The following JAKMIP2 variants were observed in gnomAD, a reference collection of about 807,000 sequenced individuals.
JAKMIP2 encodes the protein janus kinase and microtubule interacting protein 2, also known as janus kinase and microtubule-interacting protein 2.
JAKMIP2 carries 25 observed loss-of-function variants against 115.0 expected under a neutral mutation model. That is an observed-to-expected ratio of 0.22 (90% CI 0.16 to 0.30). JAKMIP2 has a LOEUF of 0.30. JAKMIP2 is among the 10% of genes least tolerant of loss of function. JAKMIP2 has a pLI of 1.00. For synonymous variants in JAKMIP2, 334 were observed against 343.6 expected, an observed-to-expected ratio of 0.97 and a Z score of 0.31; for missense variants, 642 against 957.6, an observed-to-expected ratio of 0.67 and a Z score of 4.35.
At chr5:147,750,452 T>C (rs1392009204) in intron 1 of JAKMIP2, among the ~76,000 whole-genome samples, 1 of 151,956 alleles carries the variant, frequency 6.6e-6, no homozygotes, top group Non-Finnish European at 1.5e-5. Context: ...CATCTCTAAT[T>C]TGTTAAGAGC....
At chr5:147,645,148 T>C (rs1023734109) in intron 5 of JAKMIP2, 152 bp from the exon 6 acceptor site, 3 of 675,390 alleles carry the variant, frequency 4.4e-6, no homozygotes, top group Non-Finnish European at 7.5e-6. Flanking sequence ...CAATCCTTCA[T>C]TTAACAGACT....
At position 147,608,352 on chromosome 5, in the gene JAKMIP2, C is replaced by CCTCTAAACATAA. The variant is rs1756138738; in HGVS notation, c.2412+3953_2412+3954insTTATGTTTAGAG. Among the ~76,000 whole-genome samples, 4 of 152,168 alleles carry CCTCTAAACATAA rather than the reference C, an allele frequency of 2.6e-5. No homozygotes were observed. The South Asian group carries it at 8.3e-4, about 32-fold the overall frequency. ...CTCTAAACACTGTTTTAGCTGTGTC[C>CCTCTAAACATAA]CAGAGATTCTGTTATGTTGTGTCTT... On this transcript the variant is annotated intron_variant, in intron 20 of 21. Coordinates refer to ENST00000616793, the MANE Select transcript of JAKMIP2 (RefSeq NM_001270941.2).
chr5:147,685,481 G>A (rs1760523064), intron 1 of JAKMIP2, among the ~76,000 whole-genome samples: 1 of 152,178 alleles, frequency 6.6e-6, no homozygotes, highest in African/African-American at 2.4e-5. Flanking sequence ...GTGCAAAATT[G>A]TAGGTGGTAA....
At chr5:147,623,504 T>A in intron 17 of JAKMIP2, 117 bp downstream of exon 17, 1 of 605,180 alleles carries the variant, frequency 1.7e-6, no homozygotes, top group Non-Finnish European at 2.9e-6. Context: ...CATAAAATAA[T>A]AATGGAAAGA....
At chr5:147,775,868 A>G (rs1485498065) in intron 1 of JAKMIP2, among the ~76,000 whole-genome samples, 1 of 152,200 alleles carries the variant, frequency 6.6e-6, no homozygotes, top group Non-Finnish European at 1.5e-5. Flanking sequence ...GGTGAACAAC[A>G]CAGTTTCATT....
At chr5:147,596,367 G>C (rs962535909) in intron 21 of JAKMIP2, among the ~76,000 whole-genome samples, 1 of 152,148 alleles carries the variant, frequency 6.6e-6, no homozygotes, top group South Asian at 2.1e-4. Flanking sequence ...GAAGCACTGA[G>C]CCCAGTTAGT....
intron 1 of JAKMIP2, among the ~76,000 whole-genome samples, chr5:147,741,695 CAAGA>C (rs1203502538): frequency 6.6e-6 from 1 of 152,098 alleles, no homozygotes; most frequent in Non-Finnish European, 1.5e-5. Flanking sequence ...CAGCAAAGCA[CAAGA>C]AAGTGTTTTC....
chr5:147,603,648 G>T (rs931392220), intron 20 of JAKMIP2, among the ~76,000 whole-genome samples: 1 of 152,168 alleles, frequency 6.6e-6, no homozygotes, highest in Non-Finnish European at 1.5e-5. Context: ...CAACTGGATT[G>T]TTTTTGAAGT....
rs1335994834 is a variant in JAKMIP2, at chr5:147,585,961, T to C, written c.*5746A>G. The stretch of plus-strand genomic sequence containing the variant: ...TAGATTGTGCTGAACTTTCTGTTGC[T>C]CTTTCAAAAAAAAGAAACATCAACC... On this transcript the variant is annotated 3_prime_UTR_variant, in exon 22 of 22. Transcript: ENST00000616793. 1 of 151,076 alleles carries C rather than the reference T, an allele frequency of 6.6e-6. No homozygotes were observed. Among genetic ancestry groups the C allele is most frequent in the Admixed American group, 6.6e-5 (1 of 15,174 alleles). 9.4% of individuals were successfully genotyped at this position (151,076 alleles called of 1,614,324 possible). A position where few individuals can be genotyped will look rare whatever the true frequency, so the allele number is the denominator to read the frequency against.
chr5:147,637,744 C>T (rs1757693036), intron 10 of JAKMIP2, among the ~76,000 whole-genome samples: 1 of 152,026 alleles, frequency 6.6e-6, no homozygotes, highest in Non-Finnish European at 1.5e-5. Context: ...AACTTTGTGC[C>T]TAAATTTAAG....
intron 1 of JAKMIP2, among the ~76,000 whole-genome samples, chr5:147,741,855 A>G (rs1754151465): frequency 6.6e-6 from 1 of 151,970 alleles, no homozygotes; most frequent in Non-Finnish European, 1.5e-5. Context: ...AAAAAACAGA[A>G]CTCAAGAATA....
At chr5:147,611,974 GA>G (rs1756350757) in intron 20 of JAKMIP2, among the ~76,000 whole-genome samples, 1 of 152,010 alleles carries the variant, frequency 6.6e-6, no homozygotes, top group African/African-American at 2.4e-5. Flanking sequence ...GGTGCTAAAA[GA>G]TTTTTTTAAA....
intron 1 of JAKMIP2, among the ~76,000 whole-genome samples, chr5:147,713,130 G>C (rs950872798): frequency 7.9e-5 from 12 of 152,098 alleles, no homozygotes; most frequent in African/African-American, 2.9e-4. Context: ...TCTATAGCCA[G>C]CAATGATACA....
rs540664762 is a variant in JAKMIP2, at chr5:147,594,033, G to A, written c.*21-2347C>T. 1.9e-4 allele frequency among the ~76,000 whole-genome samples: 29 copies of A among 152,224 alleles called. No homozygotes were observed. In the South Asian group the frequency reaches 5.8e-3, roughly 30 times the overall value. ...CATCATTTCCACCTATCACAACCGA[G>A]GTAAAACCCCTCATTTGAGTAAACA... On this transcript the variant is annotated intron_variant, in intron 21 of 21. Transcript: ENST00000616793.
At chr5:147,719,767 AACACAGC>A (rs1753183711) in intron 1 of JAKMIP2, among the ~76,000 whole-genome samples, 1 of 151,544 alleles carries the variant, frequency 6.6e-6, no homozygotes. Flanking sequence ...GGGTTTCCTG[AACACAGC>A]ACACTGATGG....
chr5:147,609,495 T>G (rs1385785591), intron 20 of JAKMIP2, among the ~76,000 whole-genome samples: 2 of 152,202 alleles, frequency 1.3e-5, no homozygotes, highest in African/African-American at 4.8e-5. Flanking sequence ...GAATGTTGAA[T>G]ATTGGCCCCT....
intron 1 of JAKMIP2, among the ~76,000 whole-genome samples, chr5:147,715,836 ATTTAC>A (rs1403606814): frequency 2.2e-5 from 3 of 138,698 alleles, no homozygotes; most frequent in Non-Finnish European, 4.5e-5. Context: ...TTTTTGGCCA[ATTTAC>A]TTTCTTTTTT....
At chr5:147,724,362 C>T (rs558850494) in intron 1 of JAKMIP2, among the ~76,000 whole-genome samples, 34 of 152,272 alleles carry the variant, frequency 2.2e-4, no homozygotes, top group African/African-American at 7.7e-4. Context: ...ATCCCACCTG[C>T]AGCTTGATAG....
At chr5:147,721,356 T>C (rs1753277308) in intron 1 of JAKMIP2, among the ~76,000 whole-genome samples, 5 of 152,232 alleles carry the variant, frequency 3.3e-5, no homozygotes, top group Middle Eastern at 3.2e-3. Flanking sequence ...GCAAGCCTCC[T>C]TGAGCTGTGG....
Sources: gnomAD v4.1 joint callset for allele counts (sites outside exome capture counted in the v4.1 genomes callset) on GRCh38, gnomAD v4.1.1 for gene constraint, MANE v1.5 for transcripts, NCBI Gene and HGNC (gene_info 2026-07-23, HGNC 2026-07-21) for gene names.